The following GALNTL6 variants were observed in gnomAD, a reference collection of about 807,000 sequenced individuals.
GALNTL6 encodes polypeptide N-acetylgalactosaminyltransferase-like 6.
In GALNTL6, 46 loss-of-function variants were observed where a neutral mutation model predicts 73.7. The observed-to-expected ratio is 0.62, with a 90% CI of 0.49 to 0.80. The LOEUF (loss-of-function observed/expected upper bound fraction) is 0.80. Ranked by LOEUF, GALNTL6 falls within the 30% of genes least tolerant of loss-of-function variation. The pLI, the probability that GALNTL6 is intolerant of heterozygous loss-of-function variation, is 0.00. For missense variants in GALNTL6, 604 were observed against 755.0 expected (o/e 0.80, Z 2.34); for synonymous variants, 259 against 263.7 (o/e 0.98, Z 0.17).
rs758117980 is a variant in GALNTL6, at chr4:172,813,507, T to G, written c.740-33T>G. ...AAATGATAGATGACCTAGGCAGGCA[T>G]GTCATTTCCTATTTTGTGCTTTCAT... On this transcript the variant is annotated intron_variant, in intron 6 of 12. Coordinates refer to ENST00000506823, the MANE Select transcript of GALNTL6 (RefSeq NM_001034845.3). The G allele has an allele frequency of 3.2e-6, 5 of 1,552,990 alleles. No individual in the cohort carries two copies. In the East Asian group the frequency reaches 9.1e-5, roughly 28 times the overall value.
chr4:172,706,466 T>C lies in GALNTL6; in HGVS notation c.554-102895T>C, dbSNP rs549578750. ...TTAGGGTCAGTGCTGTCTCATTTTT[T>C]TGTCCATTTGGGGAGGTCATGGTTC... On this transcript the variant is annotated intron_variant, in intron 5 of 12. Coordinates refer to ENST00000506823, the MANE Select transcript of GALNTL6 (RefSeq NM_001034845.3). Among the ~76,000 whole-genome samples, 3 of 152,268 alleles carry C rather than the reference T, an allele frequency of 2.0e-5. No homozygotes were observed. In the East Asian group the frequency reaches 5.8e-4, roughly 29 times the overall value.
At chr4:172,185,592 A>G (rs1391059646) in intron 2 of GALNTL6, among the ~76,000 whole-genome samples, 2 of 152,232 alleles carry the variant, frequency 1.3e-5, no homozygotes, top group East Asian at 3.8e-4. Flanking sequence ...AATCATCTTT[A>G]TAACTGGATT....
chr4:172,341,617 T>G (rs2111202135), intron 4 of GALNTL6, among the ~76,000 whole-genome samples: 1 of 152,274 alleles, frequency 6.6e-6, no homozygotes, highest in East Asian at 1.9e-4. Flanking sequence ...TTTCTTGTGC[T>G]GTTCTGGTGA....
chr4:172,612,199 C>G (rs1402532373), intron 5 of GALNTL6, among the ~76,000 whole-genome samples: 2 of 151,914 alleles, frequency 1.3e-5, no homozygotes, highest in African/African-American at 4.8e-5. Context: ...GGTGGGGTAT[C>G]CAAAATGTTT....
chr4:172,006,705 T>C (rs1740853869), intron 2 of GALNTL6, among the ~76,000 whole-genome samples: 1 of 152,084 alleles, frequency 6.6e-6, no homozygotes, highest in African/African-American at 2.4e-5. Context: ...TTGGGGGGAA[T>C]ATCTGACTCC....
intron 5 of GALNTL6, among the ~76,000 whole-genome samples, chr4:172,678,011 G>C (rs1732405034): frequency 6.9e-6 from 1 of 145,020 alleles, no homozygotes; most frequent in Non-Finnish European, 1.5e-5. Context: ...GTCATGCATG[G>C]TCAGTTGCAG....
intron 11 of GALNTL6, among the ~76,000 whole-genome samples, chr4:173,014,309 A>C: frequency 6.6e-6 from 1 of 152,252 alleles, no homozygotes; most frequent in South Asian, 2.1e-4. Flanking sequence ...ATAAGACTAT[A>C]AGGTCTGGAA....
chr4:172,432,200 T>G (rs993919781), intron 5 of GALNTL6, among the ~76,000 whole-genome samples: 1 of 151,628 alleles, frequency 6.6e-6, no homozygotes, highest in Non-Finnish European at 1.5e-5. Flanking sequence ...TGAAAAGACA[T>G]GAAATATTAC....
At chr4:172,324,077 T>C (rs539712968) in intron 4 of GALNTL6, among the ~76,000 whole-genome samples, 1 of 152,112 alleles carries the variant, frequency 6.6e-6, no homozygotes, top group South Asian at 2.1e-4. Flanking sequence ...TTTATTATGA[T>C]TATTACTATA....
intron 5 of GALNTL6, among the ~76,000 whole-genome samples, chr4:172,415,802 G>A (rs1238146005): frequency 6.6e-6 from 1 of 152,060 alleles, no homozygotes; most frequent in African/African-American, 2.4e-5. Context: ...ACGTGACCGG[G>A]GGCTGCCTGC....
intron 5 of GALNTL6, among the ~76,000 whole-genome samples, chr4:172,642,724 A>G (rs1740047897): frequency 6.6e-6 from 1 of 151,946 alleles, no homozygotes. Context: ...TTCTCACCAC[A>G]AAAAAATGAC....
intron 5 of GALNTL6, among the ~76,000 whole-genome samples, chr4:172,564,630 G>A (rs541779400): frequency 6.6e-6 from 1 of 152,282 alleles, no homozygotes; most frequent in East Asian, 1.9e-4. Context: ...TGCTGTAATG[G>A]CAAACATAAA....
Position 172,338,330 on chromosome 4 carries a change from AT to A in GALNTL6, c.387-10182del, listed in dbSNP as rs918286922. On this transcript the variant is annotated intron_variant, in intron 4 of 12. Transcript: ENST00000506823. ...CCTTTCATGCTGTCACAATGTTCAG[AT>A]TTTTTTTTTTCTGGTGCCCAAAATT... 8.4e-3 allele frequency among the ~76,000 whole-genome samples: 1,237 copies of A among 147,744 alleles called. 17 individuals are homozygous for A. Among genetic ancestry groups the A allele is most frequent in the African/African-American group, 0.028 (1,138 of 40,496 alleles).
At chr4:171,981,487 G>A (rs1739893239) in intron 2 of GALNTL6, among the ~76,000 whole-genome samples, 1 of 152,188 alleles carries the variant, frequency 6.6e-6, no homozygotes, top group East Asian at 1.9e-4. Flanking sequence ...GAATTTCTCT[G>A]TTGGCAAATT....
intron 2 of GALNTL6, among the ~76,000 whole-genome samples, chr4:172,004,083 T>C (rs1277650700): frequency 6.6e-6 from 1 of 152,156 alleles, no homozygotes; most frequent in African/African-American, 2.4e-5. Context: ...TAGTTCCTAG[T>C]AATATTCATA....
intron 2 of GALNTL6, among the ~76,000 whole-genome samples, chr4:171,876,406 T>A (rs1331632468): frequency 6.6e-6 from 1 of 152,218 alleles, no homozygotes; most frequent in Non-Finnish European, 1.5e-5. Context: ...AAATAAAAGA[T>A]AAATGTCATC....
At chr4:172,964,634 G>A (rs1750242473) in intron 10 of GALNTL6, among the ~76,000 whole-genome samples, 1 of 152,176 alleles carries the variant, frequency 6.6e-6, no homozygotes, top group African/African-American at 2.4e-5. Flanking sequence ...GCTGCAGGCT[G>A]CTGTTCTTAA....
At chr4:172,799,187 T>A (rs1740459820) in intron 5 of GALNTL6, among the ~76,000 whole-genome samples, 1 of 152,114 alleles carries the variant, frequency 6.6e-6, no homozygotes, top group South Asian at 2.1e-4. Context: ...ACAGCTAAGA[T>A]GAGAAGAGAT....
At chr4:172,847,684 C>T (rs989596801) in intron 7 of GALNTL6, among the ~76,000 whole-genome samples, 1 of 152,146 alleles carries the variant, frequency 6.6e-6, no homozygotes, top group African/African-American at 2.4e-5. Flanking sequence ...GCAAATGAGA[C>T]ATTCTCTGCC....
Sources: gnomAD v4.1 joint callset for allele counts (sites outside exome capture counted in the v4.1 genomes callset) on GRCh38, gnomAD v4.1.1 for gene constraint, MANE v1.5 for transcripts, NCBI Gene and HGNC (gene_info 2026-07-23, HGNC 2026-07-21) for gene names.